ZNF236: variants seen among roughly 807,000 people sequenced by gnomAD.
ZNF236 encodes the protein regulated by glucose.
Under a neutral mutation model 191.2 loss-of-function variants are expected in ZNF236, and 50 were observed. That is an observed-to-expected ratio of 0.26 (90% CI 0.21 to 0.33). ZNF236 has a LOEUF of 0.33. ZNF236 is among the 10% of genes least tolerant of loss of function. The pLI is 1.00. For synonymous variants in ZNF236, 907 were observed against 928.8 expected (o/e 0.98, Z 0.43); for missense variants, 1,754 against 2,374.5 (o/e 0.74, Z 5.43).
At chr18:76,864,070 C>G (rs1461862339) in intron 3 of ZNF236, among the ~76,000 whole-genome samples, 1 of 152,206 alleles carries the variant, frequency 6.6e-6, no homozygotes, top group South Asian at 2.1e-4. Flanking sequence ...GAGGGATTCT[C>G]CCGCAGACGG....
intron 30 of ZNF236, among the ~76,000 whole-genome samples, chr18:76,967,888 C>G (rs17055144): frequency 0.01 from 1,564 of 152,224 alleles, 27 homozygotes; most frequent in African/African-American, 0.036. Flanking sequence ...AACGTCTACA[C>G]TGTAGTGCTT....
At chr18:76,913,953 G>A in intron 18 of ZNF236, 55 bp downstream of exon 18, 2 of 1,594,630 alleles carry the variant, frequency 1.3e-6, no homozygotes, top group Non-Finnish European at 1.7e-6. Context: ...AAGCTTTATT[G>A]AGATATAATC....
At chr18:76,870,822 G>C (rs1765603929) in intron 4 of ZNF236, among the ~76,000 whole-genome samples, 3 of 152,170 alleles carry the variant, frequency 2.0e-5, no homozygotes, top group Admixed American at 2.0e-4. Context: ...AGGTGGCTGG[G>C]GTGAGGAGAG....
Position 76,895,005 on chromosome 18 carries a change from C to T in ZNF236, c.1418-8C>T, listed in dbSNP as rs536482196. 3.1e-6 allele frequency: 5 copies of T among 1,607,522 alleles called. No homozygotes were observed. Among genetic ancestry groups the T allele is most frequent in the Admixed American group, 1.7e-5 (1 of 60,012 alleles). On this transcript the variant is annotated splice_region_variant and splice_polypyrimidine_tract_variant and intron_variant, in intron 9 of 30. Coordinates refer to ENST00000320610, the MANE Select transcript of ZNF236 (RefSeq NM_001306089.2). Reference sequence around the variant, plus strand: ...AGGCCAAGCGGGACGTGTCCTCTCCCTTCACAGGCTCCATCCGCGAGGAGA... The same window carrying T: ...AGGCCAAGCGGGACGTGTCCTCTCCTTTCACAGGCTCCATCCGCGAGGAGA...
chr18:76,919,832 C>T lies in ZNF236; in HGVS notation c.3331C>T (p.Arg1111Cys), dbSNP rs758886724. The change falls in exon 20 of 31, where the codon CGT becomes TGT. Residue 1111 changes from arginine (R) to cysteine (C), a missense_variant. This residue lies in a region of ZNF236 where 641 missense variants were observed against 869.6 expected (regional missense o/e 0.74). Coordinates refer to ENST00000320610, the MANE Select transcript of ZNF236 (RefSeq NM_001306089.2). This position sits in a 1 kb window ranked among gnomAD's most constrained non-coding sequence, Gnocchi z 5.3. ...TGACAGAAATGCATCACGGAAGTCTCGTCCTGAGGTCATCACTTTCACGGA... is the reference window on the plus strand; with the variant it reads ...TGACAGAAATGCATCACGGAAGTCTTGTCCTGAGGTCATCACTTTCACGGA... ...HSDRNASRKS[R>C]PEVITFTEEE... 4 of 1,614,222 alleles carry T rather than the reference C, an allele frequency of 2.5e-6. No individual in the cohort carries two copies. The highest frequency in any genetic ancestry group is 3.3e-5 in the Admixed American group (2 of 60,028).
At chr18:76,825,031 C>T (rs1483355070) in intron 1 of ZNF236, among the ~76,000 whole-genome samples, 1 of 152,250 alleles carries the variant, frequency 6.6e-6, no homozygotes, top group Admixed American at 6.5e-5. Flanking sequence ...AAACCCATTC[C>T]TCCAGGATCC....
At chr18:76,833,312 C>G (rs905641208) in intron 1 of ZNF236, among the ~76,000 whole-genome samples, 1 of 152,072 alleles carries the variant, frequency 6.6e-6, no homozygotes, top group Non-Finnish European at 1.5e-5. Context: ...ATATTATTAA[C>G]TAGGGTGCTT....
At chr18:76,882,100 A>G (rs1297516009) in intron 9 of ZNF236, among the ~76,000 whole-genome samples, 6 of 152,150 alleles carry the variant, frequency 3.9e-5, no homozygotes, top group African/African-American at 1.4e-4. Flanking sequence ...CTTATTAGAC[A>G]TCATACTGAA....
intron 7 of ZNF236, among the ~76,000 whole-genome samples, chr18:76,878,411 A>G (rs990626884): frequency 2.6e-5 from 4 of 152,228 alleles, no homozygotes; most frequent in African/African-American, 4.8e-5. Context: ...TGATTTCTAC[A>G]GTGTTATTGA....
chr18:76,913,935 A>C (rs1967287191), intron 18 of ZNF236, 37 bp downstream of exon 18: 1 of 1,608,514 alleles, frequency 6.2e-7, no homozygotes, highest in Admixed American at 1.7e-5. Context: ...TTAGTCCTTT[A>C]AAGAAAAAAG....
In ZNF236 at chr18:76,843,777, A is replaced by G. The variant is rs1447659431; in HGVS notation, c.56-5749A>G. Among the ~76,000 whole-genome samples, 3 of 109,616 alleles carry G rather than the reference A, an allele frequency of 2.7e-5. No individual in the cohort carries two copies. The East Asian group carries it at 7.6e-4, about 28-fold the overall frequency. The allele number at this position is 109,616 out of a possible 152,430, so 71.9% of individuals were successfully genotyped here. ...GGCTACAGAGGGAGACTCCGTCTCA[A>G]AAAAAAAAAAAAAAAAAAAAAAAAA... On this transcript the variant is annotated intron_variant, in intron 1 of 30. Transcript: ENST00000320610.
At chr18:76,888,838 C>T (rs1468918993) in intron 9 of ZNF236, 1 of 152,392 alleles carries the variant, frequency 6.6e-6, no homozygotes. Context: ...CTCCCCTACC[C>T]ATGTCTGGCC....
rs1233737776 is a variant in ZNF236 at position 76,871,770 on chromosome 18, T to C, written c.612T>C (p.Cys204=). 1 of 1,614,210 alleles carries C rather than the reference T, an allele frequency of 6.2e-7. No homozygotes were observed. The highest frequency in any genetic ancestry group is 2.2e-5 in the East Asian group (1 of 44,880). The part of the protein sequence containing the change: ...RSGFTYSCPH[C]GKTFQKPSQL... The stretch of plus-strand genomic sequence containing the variant: ...GATTCACGTATTCGTGTCCGCACTG[T>C]GGAAAGACGTTTCAAAAGCCAAGCC... The change falls in exon 5 of 31, where the codon TGT becomes TGC. Residue 204 remains cysteine, a synonymous_variant. Coordinates refer to ENST00000320610, the MANE Select transcript of ZNF236 (RefSeq NM_001306089.2).
At chr18:76,931,017 C>T (rs897875957) in intron 25 of ZNF236, 3 of 152,150 alleles carry the variant, frequency 2.0e-5, no homozygotes, top group African/African-American at 4.8e-5. Flanking sequence ...CTTGCCAATA[C>T]GCATCTTAGA....
rs149318785 is a variant in ZNF236 at position 76,901,023 on chromosome 18, G to A, written c.1894+1801G>A. Reference sequence around the variant, plus strand: ...CTCCTGTGAGAATCTAACACTCTTCGGATCTGACAGGAGGCGGAGCTCAGA... The same window carrying A: ...CTCCTGTGAGAATCTAACACTCTTCAGATCTGACAGGAGGCGGAGCTCAGA... On this transcript the variant is annotated intron_variant, in intron 11 of 30. Transcript: ENST00000320610. Among the ~76,000 whole-genome samples, 14 of 152,276 alleles carry A rather than the reference G, an allele frequency of 9.2e-5. No homozygotes were observed. In the East Asian group the frequency reaches 1.3e-3, roughly 15 times the overall value.
At position 76,960,473 on chromosome 18, in the gene ZNF236, C is replaced by T. The variant is rs1464158504; in HGVS notation, c.5243-206C>T. ...CTTCCATGGCTCTCTGATCCCTCCG[C>T]CCCATCTGCTGGGGGTCGTTAGGAC... On this transcript the variant is annotated intron_variant, in intron 29 of 30. Coordinates refer to ENST00000320610, the MANE Select transcript of ZNF236 (RefSeq NM_001306089.2). This position sits in a 1 kb window ranked among gnomAD's most constrained non-coding sequence, Gnocchi z 4.4. 6.6e-6 allele frequency among the ~76,000 whole-genome samples: 1 copy of T among 152,116 alleles called. No homozygotes were observed. Among genetic ancestry groups the T allele is most frequent in the Non-Finnish European group, 1.5e-5 (1 of 68,024 alleles).
intron 14 of ZNF236, among the ~76,000 whole-genome samples, chr18:76,909,777 A>G (rs2122762567): frequency 6.6e-6 from 1 of 152,346 alleles, no homozygotes. Flanking sequence ...GCAACCATGC[A>G]CACGCAGAAA....
intron 28 of ZNF236, among the ~76,000 whole-genome samples, chr18:76,957,901 CA>C (rs1968559332): frequency 6.6e-6 from 1 of 152,210 alleles, no homozygotes; most frequent in South Asian, 2.1e-4. Context: ...ACGCCAAAAG[CA>C]ATTGCAACAC....
chr18:76,925,335 A>G lies in ZNF236; in HGVS notation c.3808A>G (p.Thr1270Ala), dbSNP rs751529501. 3.7e-6 allele frequency: 6 copies of G among 1,614,194 alleles called. No individual in the cohort carries two copies. The highest frequency in any genetic ancestry group is 2.2e-5 in the South Asian group (2 of 91,088). The change falls in exon 22 of 31, where the codon ACA (threonine) becomes GCA (alanine). Residue 1270 changes from threonine to alanine, a missense_variant. Physicochemically the swap from Thr to Ala is moderately conservative, Grantham distance 58. This residue lies in a region of ZNF236 where 606 missense variants were observed against 761.5 expected (regional missense o/e 0.80). Coordinates refer to ENST00000320610, the MANE Select transcript of ZNF236 (RefSeq NM_001306089.2). The surrounding 1 kb of genome is among the most constrained non-coding windows in gnomAD (Gnocchi z 5.7). ...LRFRTSGRRK[T>A]HMQFHYKPDP... The stretch of plus-strand genomic sequence containing the variant: ...TTTCCGTACCTCGGGTAGAAGAAAG[A>G]CACACATGCAGTTTCATTATAAACC...
Sources: gnomAD v4.1 joint callset for allele counts (sites outside exome capture counted in the v4.1 genomes callset) on GRCh38, gnomAD v4.1.1 for gene constraint, gnomAD v4.1.1 regional missense constraint, Gnocchi (gnomAD v3.1) non-coding constraint, MANE v1.5 for transcripts, NCBI Gene and HGNC (gene_info 2026-07-23, HGNC 2026-07-21) for gene names.